Variants in GALNT13 observed in about 807,000 individuals in gnomAD.
The protein encoded by GALNT13 is UDP-GalNAc:polypeptide N-acetylgalactosaminyltransferase 13.
GALNT13 carries 28 observed loss-of-function variants against 64.2 expected under a neutral mutation model. The ratio of observed to expected loss-of-function variants is 0.44; its 90% CI spans 0.32 to 0.60. The LOEUF (loss-of-function observed/expected upper bound fraction) is 0.60. Ranked by LOEUF, GALNT13 falls within the 20% of genes least tolerant of loss-of-function variation. The pLI, the probability that GALNT13 is intolerant of heterozygous loss-of-function variation, is 0.05. For missense variants in GALNT13, 577 were observed against 669.8 expected (o/e 0.86, Z 1.53); for synonymous variants, 214 against 224.6 (o/e 0.95, Z 0.42).
chr2:153,552,575 CTTTTTTT>C, the GALNT13 span, among the ~76,000 whole-genome samples: 342 of 69,350 alleles, frequency 4.9e-3, 1 homozygote, highest in Non-Finnish European at 4.9e-3. Context: ...GCTTCTTCTT[CTTTTTTT>C]TTTTTTTTTT....
chr2:153,594,238 A>G, the GALNT13 span, among the ~76,000 whole-genome samples: 4 of 152,140 alleles, frequency 2.6e-5, no homozygotes, highest in African/African-American at 7.2e-5. Context: ...ATAAGCCACA[A>G]TTTTGCTCAC....
At chr2:153,388,358 C>A in the GALNT13 span, among the ~76,000 whole-genome samples, 101 of 152,014 alleles carry the variant, frequency 6.6e-4, no homozygotes, top group Non-Finnish European at 1.1e-3. Flanking sequence ...AGAGAGTAAA[C>A]CTGCCTTAGA....
the GALNT13 span, among the ~76,000 whole-genome samples, chr2:153,171,029 G>A: frequency 6.6e-6 from 1 of 152,210 alleles, no homozygotes; most frequent in African/African-American, 2.4e-5. Context: ...CTCAGTAACA[G>A]TAACTTTTCC....
chr2:153,765,382 C>A, the GALNT13 span, among the ~76,000 whole-genome samples: 6 of 152,196 alleles, frequency 3.9e-5, no homozygotes, highest in Admixed American at 3.3e-4. Flanking sequence ...CATTTTGGAA[C>A]TTTAAGGTGT....
the GALNT13 span, among the ~76,000 whole-genome samples, chr2:153,558,282 A>G: frequency 6.6e-6 from 1 of 152,192 alleles, no homozygotes; most frequent in Non-Finnish European, 1.5e-5. Flanking sequence ...CTCCTTGGGC[A>G]TTTACTGTTT....
At chr2:153,775,500 A>T in the GALNT13 span, among the ~76,000 whole-genome samples, 1 of 152,150 alleles carries the variant, frequency 6.6e-6, no homozygotes, top group Non-Finnish European at 1.5e-5. Flanking sequence ...AAGTTATTAA[A>T]TGGAAATCAG....
At chr2:153,252,693 T>C in the GALNT13 span, among the ~76,000 whole-genome samples, 1 of 152,268 alleles carries the variant, frequency 6.6e-6, no homozygotes, top group Non-Finnish European at 1.5e-5. Context: ...TCCATATGGC[T>C]AGCCAGTTTT....
At chr2:153,135,543 C>T in the GALNT13 span, among the ~76,000 whole-genome samples, 2 of 152,012 alleles carry the variant, frequency 1.3e-5, no homozygotes, top group African/African-American at 4.8e-5. Context: ...AGAAATAATT[C>T]TCTGTTCCAA....
chr2:153,717,791 C>T, the GALNT13 span, among the ~76,000 whole-genome samples: 1 of 152,086 alleles, frequency 6.6e-6, no homozygotes, highest in Non-Finnish European at 1.5e-5. Flanking sequence ...AACTGGATTA[C>T]TTCGAGTAAA....
chr2:153,439,655 A>C, the GALNT13 span, among the ~76,000 whole-genome samples: 3 of 152,264 alleles, frequency 2.0e-5, 1 homozygote. Flanking sequence ...GCCGTTTGTT[A>C]AGCCTGTTGG....
chr2:153,973,352 A>G (rs747284294), intron 3 of GALNT13, among the ~76,000 whole-genome samples: 5 of 152,004 alleles, frequency 3.3e-5, no homozygotes, highest in South Asian at 2.1e-4. Flanking sequence ...TGTGCCAAAT[A>G]TCATTAAGAG....
At chr2:154,101,032 A>G (rs1249667533) in intron 3 of GALNT13, among the ~76,000 whole-genome samples, 2 of 151,994 alleles carry the variant, frequency 1.3e-5, no homozygotes, top group African/African-American at 4.8e-5. Context: ...ATGCTGAACC[A>G]CCCTTGCATC....
intron 3 of GALNT13, among the ~76,000 whole-genome samples, chr2:154,091,560 C>T (rs1701811003): frequency 6.6e-6 from 1 of 151,764 alleles, no homozygotes; most frequent in African/African-American, 2.4e-5. Context: ...ATCATACTTT[C>T]TGAATATATT....
chr2:153,707,237 A>C, the GALNT13 span, among the ~76,000 whole-genome samples: 1 of 152,168 alleles, frequency 6.6e-6, no homozygotes, highest in Non-Finnish European at 1.5e-5. Flanking sequence ...ACTAATACAA[A>C]GAGCTGGATT....
At chr2:153,707,537 T>A in the GALNT13 span, among the ~76,000 whole-genome samples, 1 of 152,200 alleles carries the variant, frequency 6.6e-6, no homozygotes, top group Non-Finnish European at 1.5e-5. Context: ...TCAGATGCAA[T>A]AGCACAGTAG....
At chr2:154,169,540 C>T (rs186749391) in intron 4 of GALNT13, among the ~76,000 whole-genome samples, 129 of 152,210 alleles carry the variant, frequency 8.5e-4, no homozygotes, top group Non-Finnish European at 1.5e-3. Flanking sequence ...GAATGGGACA[C>T]GACACCCTTC....
intron 9 of GALNT13, among the ~76,000 whole-genome samples, chr2:154,379,998 CTT>C (rs1326027953): frequency 1.3e-5 from 2 of 151,242 alleles, no homozygotes; most frequent in South Asian, 2.1e-4. Flanking sequence ...TAAAATTAAA[CTT>C]AAATATTTCT....
chr2:153,545,928 C>T, the GALNT13 span, among the ~76,000 whole-genome samples: 1 of 152,190 alleles, frequency 6.6e-6, no homozygotes, highest in Non-Finnish European at 1.5e-5. Context: ...TGGAACCCAG[C>T]TGTAGTCAGG....
the GALNT13 span, among the ~76,000 whole-genome samples, chr2:153,712,397 C>T: frequency 6.6e-6 from 1 of 152,186 alleles, no homozygotes. Flanking sequence ...AACATCACTC[C>T]CTTCTTGCCC....
Sources: gnomAD v4.1 joint callset for allele counts (sites outside exome capture counted in the v4.1 genomes callset) on GRCh38, gnomAD v4.1.1 for gene constraint, MANE v1.5 for transcripts, NCBI Gene and HGNC (gene_info 2026-07-23, HGNC 2026-07-21) for gene names.